The following TSPAN7 variants were observed in gnomAD, a reference collection of about 807,000 sequenced individuals.
TSPAN7 encodes the protein tetraspanin-7.
In TSPAN7, 1 loss-of-function variant was observed where a neutral mutation model predicts 17.6. That is an observed-to-expected ratio of 0.06 (90% CI 0.02 to 0.27). The LOEUF is 0.27. Ranked by LOEUF, TSPAN7 falls within the 10% of genes least tolerant of loss-of-function variation. TSPAN7 has a pLI of 1.00. For missense variants in TSPAN7, 112 were observed against 201.7 expected (o/e 0.56, Z 2.69); for synonymous variants, 78 against 79.0 (o/e 0.99, Z 0.07).
At chrX:38,603,851 A>G (rs2069360780) in intron 1 of TSPAN7, among the ~76,000 whole-genome samples, 1 of 99,786 alleles carries the variant, frequency 1.0e-5, no homozygotes, top group Non-Finnish European at 1.9e-5. Context: ...TTGTATTTTT[A>G]TTTATTTATT....
intron 1 of TSPAN7, among the ~76,000 whole-genome samples, chrX:38,615,523 C>T (rs1189921608): frequency 2.8e-5 from 3 of 106,444 alleles, no homozygotes; most frequent in East Asian, 3.2e-4. Context: ...AATGTGCATT[C>T]GGGGTCTTTT....
chrX:38,635,525 C>A (rs762908440), intron 1 of TSPAN7, among the ~76,000 whole-genome samples: 1 of 111,589 alleles, frequency 9.0e-6, no homozygotes, highest in Non-Finnish European at 1.9e-5. Flanking sequence ...AAATTCACAC[C>A]ATTTCCCATC....
At chrX:38,626,839 C>T (rs2069525487) in intron 1 of TSPAN7, among the ~76,000 whole-genome samples, 1 of 110,765 alleles carries the variant, frequency 9.0e-6, no homozygotes, top group South Asian at 3.8e-4. Context: ...TGGGGGGGTG[C>T]CTAGGTGGCT....
chrX:38,676,907 G>A (rs1426291429), intron 5 of TSPAN7, among the ~76,000 whole-genome samples: 1 of 112,017 alleles, frequency 8.9e-6, no homozygotes, highest in Non-Finnish European at 1.9e-5. Context: ...TCCCCACTGA[G>A]TACCCATACG....
intron 1 of TSPAN7, among the ~76,000 whole-genome samples, chrX:38,574,044 C>G (rs1211726798): frequency 8.9e-6 from 1 of 112,119 alleles, no homozygotes; most frequent in African/African-American, 3.2e-5. Flanking sequence ...ACAGTTCACA[C>G]TTATGTGAAG....
At chrX:38,581,396 C>A (rs899612358) in intron 1 of TSPAN7, among the ~76,000 whole-genome samples, 72 of 111,873 alleles carry the variant, frequency 6.4e-4, no homozygotes, top group Non-Finnish European at 1.1e-3. Flanking sequence ...ATCTTACATG[C>A]GGCAGGCAAG....
At chrX:38,646,882 A>G (rs2069648352) in intron 1 of TSPAN7, among the ~76,000 whole-genome samples, 1 of 111,972 alleles carries the variant, frequency 8.9e-6, no homozygotes, top group South Asian at 3.8e-4. Context: ...ACGGGAAAAC[A>G]GATTGTCTCA....
At chrX:38,580,718 C>T (rs926690081) in intron 1 of TSPAN7, among the ~76,000 whole-genome samples, 2 of 111,999 alleles carry the variant, frequency 1.8e-5, no homozygotes, top group African/African-American at 6.5e-5. Flanking sequence ...TTGTAACAGT[C>T]TATTGAGGAA....
intron 6 of TSPAN7, among the ~76,000 whole-genome samples, chrX:38,686,256 C>T (rs1266013667): frequency 8.9e-6 from 1 of 112,062 alleles, no homozygotes; most frequent in Non-Finnish European, 1.9e-5. Flanking sequence ...TTTCACAGCA[C>T]AATTTTAATT....
chrX:38,588,925 A>G lies in TSPAN7; in HGVS notation c.81+27298A>G, dbSNP rs149022989. On this transcript the variant is annotated intron_variant, in intron 1 of 7. Transcript: ENST00000378482. The stretch of plus-strand genomic sequence containing the variant: ...CATTGTAATGGACTAGAATATGAAC[A>G]AAAACCTCAGGCATTTAAATTCCCA... Among the ~76,000 whole-genome samples the G allele has an allele frequency of 6.1e-3, 686 of 111,867 alleles. 3 individuals are homozygous for G. The highest frequency in any genetic ancestry group is 0.028 in the Middle Eastern group (6 of 215).
chrX:38,583,153 T>TTATCA (rs2069236554), intron 1 of TSPAN7, among the ~76,000 whole-genome samples: 1 of 112,650 alleles, frequency 8.9e-6, no homozygotes, highest in Non-Finnish European at 1.9e-5. Flanking sequence ...ATGCATGTGC[T>TTATCA]GATAAAAGAC....
At chrX:38,573,143 C>T (rs1390352542) in intron 1 of TSPAN7, among the ~76,000 whole-genome samples, 1 of 111,651 alleles carries the variant, frequency 9.0e-6, no homozygotes, top group Non-Finnish European at 1.9e-5. Flanking sequence ...TAAAGTGTTT[C>T]TTTCCTAGTT....
At chrX:38,601,698 A>G (rs2069347830) in intron 1 of TSPAN7, among the ~76,000 whole-genome samples, 1 of 111,992 alleles carries the variant, frequency 8.9e-6, no homozygotes, top group Non-Finnish European at 1.9e-5. Context: ...CTATTGTTGT[A>G]TAAAAATCCA....
rs951325098 is a variant in TSPAN7 at position 38,581,538 on chromosome X, C to T, written c.81+19911C>T. On this transcript the variant is annotated intron_variant, in intron 1 of 7. Coordinates refer to ENST00000378482, the MANE Select transcript of TSPAN7 (RefSeq NM_004615.4). ...ATTACCTCCCACTGGGTCCCTCCCA[C>T]GACAAGTGGGAATTATAGGAGCTAC... Among the ~76,000 whole-genome samples the T allele has an allele frequency of 1.2e-4, 13 of 111,560 alleles. No individual in the cohort carries two copies. The East Asian group carries it at 2.8e-3, about 24-fold the overall frequency.
At chrX:38,596,678 T>C (rs1345490738) in intron 1 of TSPAN7, among the ~76,000 whole-genome samples, 1 of 111,197 alleles carries the variant, frequency 9.0e-6, no homozygotes, top group Non-Finnish European at 1.9e-5. Flanking sequence ...ACCTCAGACC[T>C]TCTGAACCAG....
At chrX:38,645,620 C>A (rs1194763039) in intron 1 of TSPAN7, among the ~76,000 whole-genome samples, 1 of 111,399 alleles carries the variant, frequency 9.0e-6, no homozygotes, top group Non-Finnish European at 1.9e-5. Flanking sequence ...AGGGGCTGTG[C>A]AGAAAGTAAG....
At chrX:38,647,945 C>T (rs989253872) in intron 1 of TSPAN7, among the ~76,000 whole-genome samples, 3 of 111,896 alleles carry the variant, frequency 2.7e-5, no homozygotes, top group African/African-American at 6.5e-5. Flanking sequence ...AGAAAACTAA[C>T]TTATAAAAGT....
chrX:38,629,216 A>G (rs2069537473), intron 1 of TSPAN7, among the ~76,000 whole-genome samples: 1 of 112,631 alleles, frequency 8.9e-6, no homozygotes, highest in Admixed American at 9.4e-5. Context: ...TCGAGTGCTC[A>G]GTAGCCACTG....
chrX:38,662,846 G>A lies in TSPAN7; in HGVS notation c.82-3275G>A, dbSNP rs189616317. On this transcript the variant is annotated intron_variant, in intron 1 of 7. Transcript: ENST00000378482. The stretch of plus-strand genomic sequence containing the variant: ...CTAGCACATGAGTGCTGGAAGGGGC[G>A]TGTCTAACCCAGTTTCCACGTTATT... 2.5e-3 allele frequency among the ~76,000 whole-genome samples: 277 copies of A among 110,142 alleles called. 2 individuals are homozygous for A. The highest frequency in any genetic ancestry group is 1.1e-3 in the Non-Finnish European group (58 of 52,754).
Sources: gnomAD v4.1 joint callset for allele counts (sites outside exome capture counted in the v4.1 genomes callset) on GRCh38, gnomAD v4.1.1 for gene constraint, MANE v1.5 for transcripts, NCBI Gene and HGNC (gene_info 2026-07-23, HGNC 2026-07-21) for gene names.